RTKN2: variants seen among roughly 807,000 people sequenced by gnomAD.
RTKN2 encodes rhotekin-2.
A neutral mutation model predicts 71.5 loss-of-function variants in RTKN2; 69 were observed. That is an observed-to-expected ratio of 0.96 (90% CI 0.79 to 1.18). The LOEUF (loss-of-function observed/expected upper bound fraction) is 1.18. Ranked by LOEUF, RTKN2 falls within the 50% of genes most tolerant of loss-of-function variation. The pLI, the probability that RTKN2 is intolerant of heterozygous loss-of-function variation, is 0.00. For missense variants in RTKN2, 724 were observed against 719.7 expected (o/e 1.01, Z -0.07); for synonymous variants, 236 against 236.5 (o/e 1.00, Z 0.02).
intron 6 of RTKN2, among the ~76,000 whole-genome samples, chr10:62,232,981 A>T (rs4979780): frequency 2.6e-5 from 4 of 151,960 alleles, no homozygotes; most frequent in Non-Finnish European, 5.9e-5. Context: ...TTAAAAATTG[A>T]GTATTCATGG....
rs370723437 is a variant in RTKN2, at chr10:62,217,188, A to C, written c.950T>G (p.Leu317Arg). The C allele has an allele frequency of 6.2e-7, 1 of 1,605,734 alleles. No homozygotes were observed. Among genetic ancestry groups the C allele is most frequent in the Non-Finnish European group, 8.5e-7 (1 of 1,175,606 alleles). ...RLYCVLRGGK[L>R]YCFYSPEEIE... Reference sequence around the variant, plus strand: ...TTCCTCTGGACTGTAAAAACAATAGAGTTTACCTCCTCGCAAAACACAATA... The same window carrying C: ...TTCCTCTGGACTGTAAAAACAATAGCGTTTACCTCCTCGCAAAACACAATA... The change falls in exon 9 of 12, where the codon CTC (leucine) becomes CGC (arginine). Residue 317 changes from leucine to arginine, a missense_variant. Transcript: ENST00000373789.
Position 62,268,629 on chromosome 10 carries a change from G to C in RTKN2, c.-19C>G, listed in dbSNP as rs553824316. On this transcript the variant is annotated 5_prime_UTR_variant, in exon 1 of 12. Transcript: ENST00000373789. Reference sequence around the variant, plus strand: ...CCTCCATCTCCAACGCGAACTGTCCGGGCCGTCGCCACTCCTTCAAAGGGA... The same window carrying C: ...CCTCCATCTCCAACGCGAACTGTCCCGGCCGTCGCCACTCCTTCAAAGGGA... 34 of 1,552,070 alleles carry C rather than the reference G, an allele frequency of 2.2e-5. No homozygotes were observed. Among genetic ancestry groups the C allele is most frequent in the African/African-American group, 2.7e-5 (2 of 73,162 alleles).
chr10:62,197,627 C>T lies in RTKN2; in HGVS notation c.*281G>A. The T allele has an allele frequency of 3.3e-6, 4 of 1,198,170 alleles. No homozygotes were observed. Among genetic ancestry groups the T allele is most frequent in the Non-Finnish European group, 2.1e-6 (2 of 963,486 alleles). The allele number at this position is 1,198,170 out of a possible 1,614,324, so 74.2% of individuals were successfully genotyped here. ...TATTCTGCCTAGGGCTTATTCACTG[C>T]CTGGTACTAATTCAGGAATAAATTA... On this transcript the variant is annotated 3_prime_UTR_variant, in exon 12 of 12. Transcript: ENST00000373789.
chr10:62,195,855 G>C lies in RTKN2; in HGVS notation c.*2053C>G. ...TTGCTCAGGCTTTTAAATGGTTCTA[G>C]GTAAAAAGGGCTTCAGTCCTGTTTC... On this transcript the variant is annotated 3_prime_UTR_variant, in exon 12 of 12. Transcript: ENST00000373789. 1 of 985,330 alleles carries C rather than the reference G, an allele frequency of 1.0e-6. No homozygotes were observed. Among genetic ancestry groups the C allele is most frequent in the Non-Finnish European group, 1.2e-6 (1 of 829,944 alleles). 61.0% of individuals were successfully genotyped at this position (985,330 alleles called of 1,614,324 possible).
intron 6 of RTKN2, among the ~76,000 whole-genome samples, chr10:62,234,502 AAAAAAG>A (rs1842215701): frequency 6.6e-6 from 1 of 151,578 alleles, no homozygotes; most frequent in South Asian, 2.1e-4. Context: ...CTTAAAAAAA[AAAAAAG>A]AAAAAGAAAA....
intron 2 of RTKN2, among the ~76,000 whole-genome samples, chr10:62,247,289 C>T (rs551112140): frequency 1.3e-5 from 2 of 151,744 alleles, no homozygotes; most frequent in East Asian, 3.9e-4. Context: ...GCTTTTTTGC[C>T]CCTTTACTGG....
At chr10:62,185,920 C>T (rs1841127988) in intron 8 of RTKN2, among the ~76,000 whole-genome samples, 2 of 152,198 alleles carry the variant, frequency 1.3e-5, no homozygotes, top group African/African-American at 2.4e-5. Flanking sequence ...TGGAATTTTA[C>T]GGTTTTATAT....
At chr10:62,191,264 G>A (rs1453214842), downstream of RTKN2, among the ~76,000 whole-genome samples, 1 of 152,100 alleles carries the variant, frequency 6.6e-6, no homozygotes, top group African/African-American at 2.4e-5. Context: ...AGCTTCCCAA[G>A]TAGCTGGGAC....
intron 6 of RTKN2, among the ~76,000 whole-genome samples, chr10:62,223,536 C>A (rs6479793): frequency 0.76 from 115,536 of 152,168 alleles, 43,959 homozygotes; most frequent in East Asian, 0.9. Flanking sequence ...ATGTCTATTT[C>A]TCTTTTGTTG....
Position 62,262,650 on chromosome 10 carries a change from G to A in RTKN2, c.232C>T (p.Gln78Ter), listed in dbSNP as rs1564532261. 8 of 1,608,334 alleles carry A rather than the reference G, an allele frequency of 5.0e-6. No individual in the cohort carries two copies. Among genetic ancestry groups the A allele is most frequent in the Middle Eastern group, 3.3e-4 (2 of 6,040 alleles). ...YTSELQKLEE[Q>*]IANQTGRCDV... ...CATCTTCCAGTCTGATTTGCAATCT[G>A]TTCTTCTAATTTCTGTAGCTCCGAT... Residue 78 changes from glutamine to a stop codon, truncating the protein, a stop_gained, in exon 2 of 12, where the codon CAG (glutamine) becomes TAG (stop). Transcript: ENST00000373789. LOFTEE classifies it high-confidence loss of function.
At chr10:62,203,104 G>A (rs2132819397) in intron 10 of RTKN2, among the ~76,000 whole-genome samples, 1 of 152,224 alleles carries the variant, frequency 6.6e-6, no homozygotes, top group East Asian at 1.9e-4. Flanking sequence ...AGGTTGCGGT[G>A]AGCCAAGATT....
chr10:62,184,108 G>A (rs1402969131), exon 9 of RTKN2: 3 of 453,814 alleles, frequency 6.6e-6, no homozygotes, highest in African/African-American at 2.0e-5. Flanking sequence ...AACACTGAAT[G>A]GAAAATAAAC....
downstream of RTKN2, among the ~76,000 whole-genome samples, chr10:62,192,092 TA>T (rs112703810): frequency 2.3e-3 from 324 of 142,318 alleles, 2 homozygotes; most frequent in Middle Eastern, 7.1e-3. Context: ...CAAATGAGGT[TA>T]AAAAAAAAAA....
intron 2 of RTKN2, among the ~76,000 whole-genome samples, chr10:62,257,667 G>A (rs754703483): frequency 3.3e-5 from 5 of 152,170 alleles, no homozygotes; most frequent in Non-Finnish European, 4.4e-5. Context: ...AAGGATTCTG[G>A]AATGCCTATT....
chr10:62,204,399 C>A (rs904589793), intron 10 of RTKN2, among the ~76,000 whole-genome samples: 4 of 152,052 alleles, frequency 2.6e-5, no homozygotes, highest in Non-Finnish European at 4.4e-5. Context: ...TAAAAAGAAA[C>A]CTGTCTGGAT....
chr10:62,216,088 T>G (rs773886208), intron 9 of RTKN2, among the ~76,000 whole-genome samples: 1 of 152,040 alleles, frequency 6.6e-6, no homozygotes, highest in Non-Finnish European at 1.5e-5. Flanking sequence ...AAAAGTGGAA[T>G]AGAAACAGAC....
chr10:62,264,234 C>G (rs995204397), intron 1 of RTKN2, among the ~76,000 whole-genome samples: 43 of 152,296 alleles, frequency 2.8e-4, no homozygotes, highest in African/African-American at 1.0e-3. Flanking sequence ...AGACAAACTA[C>G]AGTAGATGAT....
At chr10:62,257,896 C>T (rs972697946) in intron 2 of RTKN2, among the ~76,000 whole-genome samples, 2 of 152,288 alleles carry the variant, frequency 1.3e-5, no homozygotes, top group Admixed American at 1.3e-4. Flanking sequence ...CTACTGCCTA[C>T]CCAATCCAGA....
chr10:62,198,232 T>C lies in RTKN2; in HGVS notation c.1506A>G (p.Arg502=), dbSNP rs764128670. The change falls in exon 12 of 12, where the codon AGA becomes AGG. Residue 502 remains arginine (R), a synonymous_variant. Coordinates refer to ENST00000373789, the MANE Select transcript of RTKN2 (RefSeq NM_145307.4). ...EPLHDEKGKK[R]QAPLPPSDKL... ...TATCAGAAGGAGGAAGGGGAGCTTGTCTCTTTTTCCCTTTTTCATCATGTA... is the reference window on the plus strand; with the variant it reads ...TATCAGAAGGAGGAAGGGGAGCTTGCCTCTTTTTCCCTTTTTCATCATGTA... The C allele has an allele frequency of 5.0e-6, 8 of 1,614,040 alleles. No individual in the cohort carries two copies. The East Asian group carries it at 1.8e-4, about 36-fold the overall frequency.
Sources: allele counts gnomAD v4.1 joint callset (sites outside exome capture counted in the v4.1 genomes callset), GRCh38; gene constraint gnomAD v4.1.1; transcripts MANE v1.5; gene names NCBI Gene and HGNC (gene_info 2026-07-23, HGNC 2026-07-21).